ZC3H3: variants seen among roughly 807,000 people sequenced by gnomAD.
ZC3H3 encodes zinc finger CCCH-type containing 3.
A neutral mutation model predicts 77.3 loss-of-function variants in ZC3H3; 36 were observed. That is an observed-to-expected ratio of 0.47 (90% CI 0.36 to 0.61). The LOEUF (loss-of-function observed/expected upper bound fraction) is 0.61, where lower values mean the gene tolerates loss of function less well. ZC3H3 is among the 20% of genes least tolerant of loss of function. ZC3H3 has a pLI of 0.00. For missense variants in ZC3H3, 1,331 were observed against 1,312.2 expected, an observed-to-expected ratio of 1.01 and a Z score of -0.22; for synonymous variants, 626 against 555.2, an observed-to-expected ratio of 1.13 and a Z score of -1.79.
intron 4 of ZC3H3, among the ~76,000 whole-genome samples, chr8:143,479,378 T>G (rs2129923668): frequency 6.6e-6 from 1 of 152,158 alleles, no homozygotes; most frequent in Admixed American, 6.5e-5. Context: ...GGGATGAAAT[T>G]AATGAGATAA....
intron 3 of ZC3H3, among the ~76,000 whole-genome samples, chr8:143,521,454 C>G (rs1300170970): frequency 9.6e-6 from 1 of 103,810 alleles, no homozygotes; most frequent in East Asian, 2.2e-4. Context: ...CCCAGCAGGC[C>G]GGGAGGACTG....
chr8:143,439,654 G>T (rs1252870341), intron 11 of ZC3H3, among the ~76,000 whole-genome samples: 1 of 152,214 alleles, frequency 6.6e-6, no homozygotes, highest in Non-Finnish European at 1.5e-5. Flanking sequence ...GGGGCAGACT[G>T]CGCAGCGGCC....
rs755230346 is a variant in ZC3H3, at chr8:143,538,275, T to C, written c.1092A>G (p.Pro364=). ...IADPEPKPRK[P]ATSSKPGSAP... is the part of the protein sequence containing the mutation. Reference sequence around the variant, plus strand: ...CAGACCCTGGCTTGGAGGACGTGGCTGGCTTCCTGGGCTTGGGCTCTGGGT... The same window carrying C: ...CAGACCCTGGCTTGGAGGACGTGGCCGGCTTCCTGGGCTTGGGCTCTGGGT... The change falls in exon 2 of 12, where the codon CCA becomes CCG. Residue 364 remains proline, a synonymous_variant. Transcript: ENST00000262577. 1 of 1,613,004 alleles carries C rather than the reference T, an allele frequency of 6.2e-7. No homozygotes were observed. Among genetic ancestry groups the C allele is most frequent in the Admixed American group, 1.7e-5 (1 of 60,032 alleles).
chr8:143,527,309 G>C (rs1244513737), intron 3 of ZC3H3, among the ~76,000 whole-genome samples: 1 of 152,200 alleles, frequency 6.6e-6, no homozygotes, highest in African/African-American at 2.4e-5. Context: ...AGAGGGACAA[G>C]AGGACTACCT....
chr8:143,483,132 A>C (rs1250379285), intron 4 of ZC3H3, among the ~76,000 whole-genome samples: 5 of 152,216 alleles, frequency 3.3e-5, no homozygotes, highest in Admixed American at 3.3e-4. Flanking sequence ...AAGTCAGCAG[A>C]AGAGGAGCGG....
At chr8:143,442,806 T>C (rs1819780657) in intron 9 of ZC3H3, among the ~76,000 whole-genome samples, 1 of 152,252 alleles carries the variant, frequency 6.6e-6, no homozygotes, top group African/African-American at 2.4e-5. Context: ...AAATTTTTGA[T>C]AGGATGGGTT....
intron 4 of ZC3H3, among the ~76,000 whole-genome samples, chr8:143,496,888 C>T (rs1300195984): frequency 2.0e-5 from 3 of 152,200 alleles, no homozygotes; most frequent in Non-Finnish European, 4.4e-5. Context: ...CAGATAAGCC[C>T]AGTGGAAGGA....
chr8:143,497,721 A>G (rs1440079047), intron 4 of ZC3H3, among the ~76,000 whole-genome samples: 1 of 152,208 alleles, frequency 6.6e-6, no homozygotes, highest in Non-Finnish European at 1.5e-5. Context: ...CCACAGCAGG[A>G]GCTGAACCAG....
chr8:143,520,176 C>A (rs2130462144), intron 3 of ZC3H3, among the ~76,000 whole-genome samples: 1 of 152,342 alleles, frequency 6.6e-6, no homozygotes, highest in South Asian at 2.1e-4. Context: ...CATGAAAATG[C>A]TGCCTAGGGG....
chr8:143,496,901 G>A (rs530089542), intron 4 of ZC3H3, among the ~76,000 whole-genome samples: 246 of 152,352 alleles, frequency 1.6e-3, no homozygotes, highest in African/African-American at 5.1e-3. Context: ...TGGAAGGACA[G>A]TGCACAAAAT....
intron 9 of ZC3H3, among the ~76,000 whole-genome samples, chr8:143,463,425 C>A (rs1427212449): frequency 1.3e-5 from 2 of 152,168 alleles, no homozygotes; most frequent in Non-Finnish European, 2.9e-5. Flanking sequence ...GGAGCCCTGG[C>A]AGGGCAGCAT....
chr8:143,519,383 A>G (rs1822167395), intron 3 of ZC3H3, among the ~76,000 whole-genome samples: 1 of 152,178 alleles, frequency 6.6e-6, no homozygotes, highest in African/African-American at 2.4e-5. Flanking sequence ...GCCCCAGACC[A>G]TAGTGCAATG....
chr8:143,480,160 C>G (rs1820870049), intron 4 of ZC3H3, among the ~76,000 whole-genome samples: 1 of 152,220 alleles, frequency 6.6e-6, no homozygotes, highest in Non-Finnish European at 1.5e-5. Flanking sequence ...CCCAGGACTT[C>G]AGTGGTGCTG....
chr8:143,439,843 GC>G (rs971389840), intron 11 of ZC3H3, among the ~76,000 whole-genome samples, 197 bp downstream of exon 11: 25 of 110,998 alleles, frequency 2.3e-4, no homozygotes, highest in African/African-American at 8.1e-4. Context: ...GGTGAGGGGG[GC>G]CCTGGGGGCC....
rs201703907 is a variant in ZC3H3, at chr8:143,478,214, T to G, written c.1716-2629A>C. Among the ~76,000 whole-genome samples, 12 of 152,068 alleles carry G rather than the reference T, an allele frequency of 7.9e-5. No individual in the cohort carries two copies. In the East Asian group the frequency reaches 2.1e-3, roughly 27 times the overall value. On this transcript the variant is annotated intron_variant, in intron 4 of 11. Transcript: ENST00000262577. ...GTGCAAGGACTCACCTGCAGGAGTG[T>G]CCCCCTGACTGAGGCTCACATGGGG...
intron 4 of ZC3H3, among the ~76,000 whole-genome samples, chr8:143,477,309 T>G (rs941909316): frequency 3.9e-5 from 6 of 152,174 alleles, no homozygotes; most frequent in Non-Finnish European, 7.3e-5. Context: ...ACACCAATCT[T>G]GGCGGGAAAG....
At chr8:143,502,009 G>A (rs1462776821) in intron 4 of ZC3H3, among the ~76,000 whole-genome samples, 1 of 152,232 alleles carries the variant, frequency 6.6e-6, no homozygotes. Context: ...CCTCATGATG[G>A]GACGAGCATC....
chr8:143,448,682 G>A (rs1203927292), intron 9 of ZC3H3, among the ~76,000 whole-genome samples: 1 of 152,230 alleles, frequency 6.6e-6, no homozygotes, highest in East Asian at 1.9e-4. Flanking sequence ...CATGGTGCAA[G>A]CTGTCGGTGG....
At chr8:143,521,892 C>A (rs528353014) in intron 3 of ZC3H3, among the ~76,000 whole-genome samples, 1 of 152,236 alleles carries the variant, frequency 6.6e-6, no homozygotes, top group African/African-American at 2.4e-5. Flanking sequence ...GCCACAGAGG[C>A]GGCTCCCATA....
Sources: allele counts gnomAD v4.1 joint callset (sites outside exome capture counted in the v4.1 genomes callset), GRCh38; gene constraint gnomAD v4.1.1; transcripts MANE v1.5; gene names NCBI Gene and HGNC (gene_info 2026-07-23, HGNC 2026-07-21).